The following ANK2 variants were observed in gnomAD, a reference collection of about 807,000 sequenced individuals.
ANK2 encodes ankyrin-2.
A neutral mutation model predicts 360.5 loss-of-function variants in ANK2; 83 were observed. That is an observed-to-expected ratio of 0.23 (90% confidence interval 0.19 to 0.28). The LOEUF is 0.28. Ranked by LOEUF, ANK2 falls within the 10% of genes least tolerant of loss-of-function variation. The pLI is 1.00. For synonymous variants in ANK2, 1,740 were observed against 1,759.5 expected (o/e 0.99, Z 0.28); for missense variants, 4,201 against 4,795.7 (o/e 0.88, Z 3.66).
intron 1 of ANK2, among the ~76,000 whole-genome samples, chr4:113,154,749 C>T (rs1334661290): frequency 1.3e-5 from 2 of 152,144 alleles, no homozygotes; most frequent in Admixed American, 1.3e-4. Flanking sequence ...AAGAATCAGT[C>T]TTTCCTTTGG....
chr4:113,066,793 AG>A (rs35973305), intron 1 of ANK2, among the ~76,000 whole-genome samples: 1 of 152,052 alleles, frequency 6.6e-6, no homozygotes, highest in Non-Finnish European at 1.5e-5. Context: ...GCTGCATGCA[AG>A]GTGTGTATGC....
Position 113,353,538 on chromosome 4 carries a change from T to C in ANK2, c.4920T>C (p.Leu1640=), listed in dbSNP as rs1199190223. 1.2e-6 allele frequency: 2 copies of C among 1,613,938 alleles called. No individual in the cohort carries two copies. Among genetic ancestry groups the C allele is most frequent in the Non-Finnish European group, 1.7e-6 (2 of 1,179,948 alleles). ...EKDSTGLVNY[L]TDDLNTCVPL... is the part of the protein sequence containing the mutation. Reference sequence around the variant, plus strand: ...ACTCAACTGGGCTAGTGAACTACCTTACTGATGATCTGAATACCTGTGTGC... The same window carrying C: ...ACTCAACTGGGCTAGTGAACTACCTCACTGATGATCTGAATACCTGTGTGC... The change falls in exon 38 of 46, where the codon CTT becomes CTC. Residue 1640 remains leucine (L), a synonymous_variant. Transcript: ENST00000357077.
chr4:112,733,024 C>G, the ANK2 span, among the ~76,000 whole-genome samples: 3 of 152,096 alleles, frequency 2.0e-5, no homozygotes, highest in Non-Finnish European at 2.9e-5. Flanking sequence ...CAAGACCAGC[C>G]TGGCCAAGAT....
At chr4:113,290,047 A>G (rs748747031) in intron 20 of ANK2, among the ~76,000 whole-genome samples, 2 of 152,246 alleles carry the variant, frequency 1.3e-5, no homozygotes, top group Non-Finnish European at 2.9e-5. Context: ...TGAAATGGTT[A>G]TAATATTTAG....
At chr4:113,316,713 G>T (rs1192906305) in intron 24 of ANK2, among the ~76,000 whole-genome samples, 2 of 152,112 alleles carry the variant, frequency 1.3e-5, no homozygotes, top group Admixed American at 6.5e-5. Flanking sequence ...GCTTATTTAA[G>T]ATACCAATCT....
intron 14 of ANK2, among the ~76,000 whole-genome samples, chr4:113,265,883 T>C (rs1238908764): frequency 1.3e-5 from 2 of 152,208 alleles, no homozygotes. Flanking sequence ...CAGTGTTATC[T>C]TGGAATGAAA....
At chr4:113,282,161 G>C (rs868862919) in intron 17 of ANK2, among the ~76,000 whole-genome samples, 1 of 152,176 alleles carries the variant, frequency 6.6e-6, no homozygotes, top group African/African-American at 2.4e-5. Context: ...CATATGTGAA[G>C]TGTAGCCTTG....
chr4:113,165,262 G>A (rs2097710751), intron 1 of ANK2, among the ~76,000 whole-genome samples: 2 of 152,116 alleles, frequency 1.3e-5, no homozygotes, highest in African/African-American at 4.8e-5. Context: ...ATTAATACCA[G>A]TTGGAGATCC....
chr4:112,802,222 G>A, the ANK2 span, among the ~76,000 whole-genome samples: 1 of 152,036 alleles, frequency 6.6e-6, no homozygotes, highest in African/African-American at 2.4e-5. Flanking sequence ...AAGTTTAGAG[G>A]GAGATTGGAG....
intron 35 of ANK2, among the ~76,000 whole-genome samples, chr4:113,346,811 T>G (rs765844403): frequency 1.5e-4 from 23 of 152,208 alleles, no homozygotes; most frequent in Non-Finnish European, 3.4e-4. Context: ...CTACAGGAAT[T>G]ACTTTCTTTT....
At chr4:113,082,372 C>A (rs1424922623) in intron 1 of ANK2, among the ~76,000 whole-genome samples, 2 of 145,582 alleles carry the variant, frequency 1.4e-5, no homozygotes, top group African/African-American at 4.9e-5. Context: ...CTCCTGGGCA[C>A]AAGGTATCTT....
chr4:112,941,011 G>T (rs914329474), intron 2 of ANK2, among the ~76,000 whole-genome samples: 1 of 152,014 alleles, frequency 6.6e-6, no homozygotes, highest in Non-Finnish European at 1.5e-5. Context: ...CATTTTTAAA[G>T]TTGAGAAAAC....
chr4:112,795,985 A>G, the ANK2 span, among the ~76,000 whole-genome samples: 1 of 151,056 alleles, frequency 6.6e-6, no homozygotes, highest in Non-Finnish European at 1.5e-5. Flanking sequence ...TTTTTTGTAG[A>G]GATGGAGTTT....
At chr4:113,000,313 T>C (rs2050155816) in intron 2 of ANK2, among the ~76,000 whole-genome samples, 1 of 152,230 alleles carries the variant, frequency 6.6e-6, no homozygotes, top group Non-Finnish European at 1.5e-5. Context: ...ATGGACACCT[T>C]CATTCACGAA....
chr4:112,833,297 C>T (rs1478616661), intron 1 of ANK2, among the ~76,000 whole-genome samples: 5 of 152,148 alleles, frequency 3.3e-5, no homozygotes, highest in African/African-American at 7.2e-5. Flanking sequence ...AAAATCTAGA[C>T]CGCTAGAATA....
chr4:112,742,229 T>C, the ANK2 span, among the ~76,000 whole-genome samples: 1 of 152,166 alleles, frequency 6.6e-6, no homozygotes. Flanking sequence ...AGTTCACTAC[T>C]GCACTCCAGC....
chr4:113,207,818 G>A (rs964053412), intron 4 of ANK2, among the ~76,000 whole-genome samples: 3 of 151,980 alleles, frequency 2.0e-5, no homozygotes, highest in African/African-American at 7.2e-5. Context: ...GTGTGCCCTC[G>A]AACACTTGCT....
the ANK2 span, among the ~76,000 whole-genome samples, chr4:112,735,031 CAT>C: frequency 2.6e-5 from 4 of 152,296 alleles, no homozygotes; most frequent in African/African-American, 9.6e-5. Flanking sequence ...AGCAATTGCA[CAT>C]GTTGCCTCAA....
intron 39 of ANK2, among the ~76,000 whole-genome samples, 181 bp downstream of exon 39, chr4:113,361,078 T>A (rs920737299): frequency 1.3e-5 from 2 of 152,158 alleles, no homozygotes; most frequent in Non-Finnish European, 2.9e-5. Context: ...AGGGCAGGCC[T>A]TTTATCATCT....
Sources: allele counts gnomAD v4.1 joint callset (sites outside exome capture counted in the v4.1 genomes callset), GRCh38; gene constraint gnomAD v4.1.1; transcripts MANE v1.5; gene names NCBI Gene and HGNC (gene_info 2026-07-23, HGNC 2026-07-21).